Variants in MRPS25 observed in about 807,000 individuals in gnomAD.
MRPS25 encodes mitochondrial ribosomal protein S25.
MRPS25 carries 15 observed loss-of-function variants against 17.3 expected under a neutral mutation model. The observed-to-expected ratio is 0.87, with a 90% CI of 0.58 to 1.34. The LOEUF (loss-of-function observed/expected upper bound fraction) is 1.34, where lower values mean the gene tolerates loss of function less well. Ranked by LOEUF, MRPS25 falls within the 40% of genes most tolerant of loss-of-function variation. MRPS25 has a pLI of 0.00. For synonymous variants in MRPS25, 94 were observed against 83.3 expected, an observed-to-expected ratio of 1.13 and a Z score of -0.70; for missense variants, 225 against 218.6, an observed-to-expected ratio of 1.03 and a Z score of -0.19.
At chr3:15,045,540 T>C (rs2042418881), downstream of MRPS25, 1 of 151,334 alleles carries the variant, frequency 6.6e-6, no homozygotes, top group African/African-American at 2.4e-5. Flanking sequence ...TGAGATCCTC[T>C]TGGCCTTACT....
Position 15,050,014 on chromosome 3 carries a change from C to A in MRPS25, c.*2427G>T. 6.8e-7 allele frequency: 1 copy of A among 1,465,788 alleles called. No individual in the cohort carries two copies. 90.8% of individuals were successfully genotyped at this position (1,465,788 alleles called of 1,614,324 possible). On this transcript the variant is annotated 3_prime_UTR_variant, in exon 4 of 4. Coordinates refer to ENST00000253686, the MANE Select transcript of MRPS25 (RefSeq NM_022497.5). ...GCAAGTAAAATTAAGAACATGTTAT[C>A]AATTATAAAATCCTCACATTTTCTC... is the stretch of plus-strand genomic sequence containing the variant.
chr3:15,052,671 CTT>C (rs747736028), intron 3 of MRPS25, 38 bp from the exon 4 acceptor site: 1 of 1,599,272 alleles, frequency 6.3e-7, no homozygotes, highest in Non-Finnish European at 8.5e-7. Flanking sequence ...GCATTGGCAA[CTT>C]TGAGTGGCAG....
At position 15,051,331 on chromosome 3, in the gene MRPS25, G is replaced by T; in HGVS notation, c.*1110C>A. On this transcript the variant is annotated 3_prime_UTR_variant, in exon 4 of 4. Coordinates refer to ENST00000253686, the MANE Select transcript of MRPS25 (RefSeq NM_022497.5). Reference sequence around the variant, plus strand: ...CCCAAATAGCTGGGACTACAGACGCGAAACACCACACCCATCTAATTTTTG... The same window carrying T: ...CCCAAATAGCTGGGACTACAGACGCTAAACACCACACCCATCTAATTTTTG... The T allele has an allele frequency of 1.9e-6, 1 of 521,592 alleles. No individual in the cohort carries two copies. Among genetic ancestry groups the T allele is most frequent in the Non-Finnish European group, 2.5e-6 (1 of 406,258 alleles). 32.3% of individuals were successfully genotyped at this position (521,592 alleles called of 1,614,324 possible).
chr3:15,047,926 C>T (rs2042512952), downstream of MRPS25: 1 of 152,218 alleles, frequency 6.6e-6, no homozygotes, highest in African/African-American at 2.4e-5. Flanking sequence ...AAATTTTCCT[C>T]GTCCAGGTCT....
rs1033202854 is a variant in MRPS25, at chr3:15,049,546, A to G, written c.*2895T>C. 3 of 316,330 alleles carry G rather than the reference A, an allele frequency of 9.5e-6. No individual in the cohort carries two copies. The highest frequency in any genetic ancestry group is 8.5e-4 in the Middle Eastern group (1 of 1,176). 19.6% of individuals were successfully genotyped at this position (316,330 alleles called of 1,614,324 possible). On this transcript the variant is annotated 3_prime_UTR_variant, in exon 4 of 4. Transcript: ENST00000253686. ...GTGTGGAGGTAGGGAAGCCACACAC[A>G]TGTTTCTGGAGCAGAGCACAGTTAG... is the stretch of plus-strand genomic sequence containing the variant.
At chr3:15,044,032 T>TG (rs2042363645), downstream of MRPS25, 2 of 152,176 alleles carry the variant, frequency 1.3e-5, no homozygotes, top group Admixed American at 1.3e-4. Context: ...AGTGTGGCCT[T>TG]GGAGTGTGAG....
Position 15,059,364 on chromosome 3 carries a change from C to G in MRPS25, c.241+5G>C. 1.2e-6 allele frequency: 2 copies of G among 1,603,554 alleles called. No individual in the cohort carries two copies. Among genetic ancestry groups the G allele is most frequent in the Non-Finnish European group, 1.7e-6 (2 of 1,170,700 alleles). On this transcript the variant is annotated splice_donor_5th_base_variant and intron_variant, in intron 2 of 3. Coordinates refer to ENST00000253686, the MANE Select transcript of MRPS25 (RefSeq NM_022497.5). ...CCCCTGGACCATGGCGAGGGCCCCA[C>G]TCACCTAAGTAGAATCGCAGGAAGG...
At chr3:15,042,925 G>A, downstream of MRPS25, 1 of 1,614,192 alleles carries the variant, frequency 6.2e-7, no homozygotes, top group Non-Finnish European at 8.5e-7. Context: ...CATTGGCAAT[G>A]TTTCGATAGA....
downstream of MRPS25, chr3:15,047,314 G>A (rs1269008968): frequency 6.6e-6 from 1 of 152,180 alleles, no homozygotes; most frequent in African/African-American, 2.4e-5. Flanking sequence ...CTCTGCAAAA[G>A]GAAGAATTCC....
chr3:15,055,826 AAC>A lies in MRPS25; in HGVS notation c.242-2361_242-2360del, dbSNP rs869047265. Among the ~76,000 whole-genome samples the A allele has an allele frequency of 3.3e-5, 5 of 152,286 alleles. No individual in the cohort carries two copies. In the East Asian group the frequency reaches 9.6e-4, roughly 29 times the overall value. ...AAAATGAAAAGCAGGCCACAGAGAAAACAGTCACAAGACATTATCTCCAACAA... is the reference window on the plus strand; with the variant it reads ...AAAATGAAAAGCAGGCCACAGAGAAAAGTCACAAGACATTATCTCCAACAA... On this transcript the variant is annotated intron_variant, in intron 2 of 3. Coordinates refer to ENST00000253686, the MANE Select transcript of MRPS25 (RefSeq NM_022497.5).
chr3:15,049,901 A>G lies in MRPS25; in HGVS notation c.*2540T>C, dbSNP rs561937199. ...TCCTGAGTAACTGGGACCACAGCAG[A>G]TGATACAGGTTTAGATGGTGCTGCC... On this transcript the variant is annotated 3_prime_UTR_variant, in exon 4 of 4. Transcript: ENST00000253686. The G allele has an allele frequency of 1.6e-4, 238 of 1,531,022 alleles. No homozygotes were observed. In the African/African-American group the frequency reaches 3.0e-3, roughly 19 times the overall value. 94.8% of individuals were successfully genotyped at this position (1,531,022 alleles called of 1,614,324 possible).
rs2042839462 is a variant in MRPS25 at position 15,065,284 on chromosome 3, G to C, written c.-90C>G. 1 of 1,442,002 alleles carries C rather than the reference G, an allele frequency of 6.9e-7. No homozygotes were observed. The highest frequency in any genetic ancestry group is 9.1e-7 in the Non-Finnish European group (1 of 1,096,392). 89.3% of individuals were successfully genotyped at this position (1,442,002 alleles called of 1,614,324 possible). A position where few individuals can be genotyped will look rare whatever the true frequency, so the allele number is the denominator to read the frequency against. ...CTAGCACCCGCGCGGATCTCACGCG[G>C]CTTCTCCCCAGAGCCAGGTTCCACT... On this transcript the variant is annotated 5_prime_UTR_variant, in exon 1 of 4. Coordinates refer to ENST00000253686, the MANE Select transcript of MRPS25 (RefSeq NM_022497.5).
chr3:15,053,405 T>A lies in MRPS25; in HGVS notation c.304A>T (p.Ile102Phe), dbSNP rs532703317. 14 of 1,614,216 alleles carry A rather than the reference T, an allele frequency of 8.7e-6. No individual in the cohort carries two copies. In the South Asian group the frequency reaches 9.9e-5, roughly 11 times the overall value. ...TKSNKEIMEH[I>F]RKILGKNEET... ...TCATTCTTCCCCAAGATTTTTCTGATGTGCTCCATGATCTCCTTATTGCTC... is the reference window on the plus strand; with the variant it reads ...TCATTCTTCCCCAAGATTTTTCTGAAGTGCTCCATGATCTCCTTATTGCTC... The change falls in exon 3 of 4, where the codon ATC becomes TTC. Residue 102 changes from isoleucine (I) to phenylalanine (F), a missense_variant. Coordinates refer to ENST00000253686, the MANE Select transcript of MRPS25 (RefSeq NM_022497.5).
chr3:15,045,674 C>T (rs564795031), downstream of MRPS25: 4 of 152,786 alleles, frequency 2.6e-5, no homozygotes, highest in South Asian at 8.3e-4. Context: ...GTAAAGTCAG[C>T]CCAAAGTCAA....
Position 15,051,214 on chromosome 3 carries a change from T to C in MRPS25, c.*1227A>G, listed in dbSNP as rs115347829. ...AAAATTTTTTTTCTTGAGACAGTCT[T>C]GCTCTGTGGCCCAGGCTGGAGTGCA... On this transcript the variant is annotated 3_prime_UTR_variant, in exon 4 of 4. Transcript: ENST00000253686. The C allele has an allele frequency of 2.9e-3, 2,803 of 976,494 alleles. 1 individual carries two copies. The highest frequency in any genetic ancestry group is 3.2e-3 in the Non-Finnish European group (2,623 of 821,760). The allele number at this position is 976,494 out of a possible 1,614,324, so 60.5% of individuals were successfully genotyped here. A position where few individuals can be genotyped will look rare whatever the true frequency, so the allele number is the denominator to read the frequency against.
chr3:15,063,453 C>T (rs927853096), intron 1 of MRPS25, among the ~76,000 whole-genome samples: 2 of 152,112 alleles, frequency 1.3e-5, no homozygotes, highest in African/African-American at 4.8e-5. Flanking sequence ...GCTGAGGGCA[C>T]ATGAACAAAC....
At chr3:15,042,701 AAG>A (rs1361364473), downstream of MRPS25, 9 of 723,014 alleles carry the variant, frequency 1.2e-5, no homozygotes, top group Admixed American at 2.2e-4. Context: ...GAAATCAGAA[AAG>A]AGAGGTGGGT....
downstream of MRPS25, chr3:15,043,001 G>C (rs764779990): frequency 1.2e-6 from 2 of 1,613,898 alleles, no homozygotes; most frequent in Admixed American, 1.7e-5. Context: ...ACCGGAGCCA[G>C]TCTATAGCGC....
rs1445215732 is a variant in MRPS25 at position 15,050,349 on chromosome 3, CCAGA to C, written c.*2088_*2091del. The C allele has an allele frequency of 9.4e-7, 1 of 1,058,240 alleles. No individual in the cohort carries two copies. Among genetic ancestry groups the C allele is most frequent in the Non-Finnish European group, 1.1e-6 (1 of 877,884 alleles). 65.6% of individuals were successfully genotyped at this position (1,058,240 alleles called of 1,614,324 possible). A position where few individuals can be genotyped will look rare whatever the true frequency, so the allele number is the denominator to read the frequency against. On this transcript the variant is annotated 3_prime_UTR_variant, in exon 4 of 4. Transcript: ENST00000253686. ...CCCTAGTTATCTGTCCCATTAGGGACCAGACATTTATTCTGTCTAGAGAATGGTC... is the reference window on the plus strand; with the variant it reads ...CCCTAGTTATCTGTCCCATTAGGGACCATTTATTCTGTCTAGAGAATGGTC...
Sources: gnomAD v4.1 joint callset for allele counts (sites outside exome capture counted in the v4.1 genomes callset) on GRCh38, gnomAD v4.1.1 for gene constraint, MANE v1.5 for transcripts, NCBI Gene and HGNC (gene_info 2026-07-23, HGNC 2026-07-21) for gene names.